The following XKR4 variants were observed in gnomAD, a reference collection of about 807,000 sequenced individuals.
XKR4 encodes XK related 4.
XKR4 carries 12 observed loss-of-function variants against 53.9 expected under a neutral mutation model. The ratio of observed to expected loss-of-function variants is 0.22; its 90% CI spans 0.14 to 0.36. The LOEUF is 0.36. Among genes scored for constraint, XKR4 ranks in the 10% least tolerant of loss-of-function variants. The probability of loss-of-function intolerance (pLI) is 1.00; values close to 1 mark genes in which losing one functional copy is unlikely to be tolerated. For missense variants in XKR4, 799 were observed against 859.5 expected, an observed-to-expected ratio of 0.93 and a Z score of 0.88; for synonymous variants, 354 against 362.4, an observed-to-expected ratio of 0.98 and a Z score of 0.26.
At chr8:55,489,191 G>A (rs979616444) in intron 2 of XKR4, among the ~76,000 whole-genome samples, 1 of 151,990 alleles carries the variant, frequency 6.6e-6, no homozygotes, top group African/African-American at 2.4e-5. Context: ...GTACTGCATC[G>A]GTAACAAATG....
At chr8:55,500,181 CA>C (rs36233927) in intron 2 of XKR4, among the ~76,000 whole-genome samples, 1,176 of 115,368 alleles carry the variant, frequency 0.01, 2 homozygotes, top group African/African-American at 0.031. Flanking sequence ...CAAATTGGGC[CA>C]AAAAAAAAAA....
chr8:55,272,841 A>G (rs1395764573), intron 1 of XKR4: 1 of 428,224 alleles, frequency 2.3e-6, no homozygotes, highest in African/African-American at 2.1e-5. Context: ...ATTATGTTTT[A>G]GAGTAAATTT....
chr8:55,451,748 C>G (rs896716059), intron 2 of XKR4: 1 of 1,181,676 alleles, frequency 8.5e-7, no homozygotes, highest in Non-Finnish European at 1.3e-6. Flanking sequence ...TCAGACTTGG[C>G]CCGGCTCAGG....
chr8:55,528,376 G>A lies in XKR4; in HGVS notation c.*4149G>A, dbSNP rs535684415. On this transcript the variant is annotated 3_prime_UTR_variant, in exon 3 of 3. Coordinates refer to ENST00000327381, the MANE Select transcript of XKR4 (RefSeq NM_052898.2). Reference sequence around the variant, plus strand: ...AAGAGAACCTCTTCTGTCCTTACCAGGATTGTGTAAGGTTACACATTTGCT... The same window carrying A: ...AAGAGAACCTCTTCTGTCCTTACCAAGATTGTGTAAGGTTACACATTTGCT... 1 of 152,306 alleles carries A rather than the reference G, an allele frequency of 6.6e-6. No homozygotes were observed. Among genetic ancestry groups the A allele is most frequent in the East Asian group, 1.9e-4 (1 of 5,188 alleles). The allele number at this position is 152,306 out of a possible 1,614,324, so 9.4% of individuals were successfully genotyped here.
rs574816839 is a variant in XKR4 at position 55,189,344 on chromosome 8, A to C, written c.806+86050A>C. ...AAGAAACGTCTGCCGAGGCACAGCT[A>C]ATGTATGAGTACGATCATGCCTCAA... On this transcript the variant is annotated intron_variant, in intron 1 of 2. Transcript: ENST00000327381. Among the ~76,000 whole-genome samples the C allele has an allele frequency of 6.6e-5, 10 of 152,280 alleles. 1 individual carries two copies. In the East Asian group the frequency reaches 1.7e-3, roughly 26 times the overall value.
chr8:55,319,920 A>C (rs1470816886), intron 1 of XKR4, among the ~76,000 whole-genome samples: 1 of 152,184 alleles, frequency 6.6e-6, no homozygotes, highest in Non-Finnish European at 1.5e-5. Context: ...GAGTGTGGTC[A>C]AGAGGAGGGA....
intron 1 of XKR4, among the ~76,000 whole-genome samples, chr8:55,156,458 G>A (rs1563470496): frequency 1.3e-5 from 2 of 150,376 alleles, no homozygotes; most frequent in Non-Finnish European, 3.0e-5. Context: ...GTGGGGTGGG[G>A]TGTGTAAGTC....
chr8:55,153,721 G>T (rs1164111320), intron 1 of XKR4, among the ~76,000 whole-genome samples: 2 of 152,196 alleles, frequency 1.3e-5, no homozygotes, highest in Non-Finnish European at 2.9e-5. Flanking sequence ...TAAGTGCCCA[G>T]TGCTGATATC....
intron 2 of XKR4, among the ~76,000 whole-genome samples, chr8:55,478,507 C>T (rs1233806162): frequency 6.6e-6 from 1 of 152,032 alleles, no homozygotes; most frequent in Non-Finnish European, 1.5e-5. Context: ...AGCAAAATAA[C>T]CAGCTAACAT....
At position 55,523,330 on chromosome 8, in the gene XKR4, C is replaced by T. The variant is rs1363275881; in HGVS notation, c.1056C>T (p.Ser352=). 6.2e-7 allele frequency: 1 copy of T among 1,613,986 alleles called. No homozygotes were observed. Among genetic ancestry groups the T allele is most frequent in the Non-Finnish European group, 8.5e-7 (1 of 1,179,884 alleles). Residue 352 remains serine, a synonymous_variant, in exon 3 of 3, where the codon TCC becomes TCT. Transcript: ENST00000327381. ...TGTCCCTGGCCTGGGCCTTGGCCTC[C>T]TACCAGAAGGCCCTCCGGGACTCTC... The part of the protein sequence containing the change: ...SLVSLAWALA[S]YQKALRDSRD...
chr8:55,293,230 G>A (rs1400375805), intron 1 of XKR4, among the ~76,000 whole-genome samples: 1 of 152,120 alleles, frequency 6.6e-6, no homozygotes, highest in Non-Finnish European at 1.5e-5. Flanking sequence ...AGCTACTTGG[G>A]AGGCTGAGGC....
rs1350622268 is a variant in XKR4 at position 55,523,875 on chromosome 8, C to T, written c.1601C>T (p.Ala534Val). ...TGTGCTTGTGAGGACCCAGCCGCTGCCTTCACTTTGCCCCCAGACGTGGCC... is the reference window on the plus strand; with the variant it reads ...TGTGCTTGTGAGGACCCAGCCGCTGTCTTCACTTTGCCCCCAGACGTGGCC... ...PSCACEDPAA[A>V]FTLPPDVATS... Residue 534 changes from alanine (A) to valine (V), a missense_variant, in exon 3 of 3, where the codon GCC becomes GTC. Transcript: ENST00000327381. The T allele has an allele frequency of 1.9e-6, 3 of 1,614,204 alleles. No homozygotes were observed. Among genetic ancestry groups the T allele is most frequent in the Non-Finnish European group, 2.5e-6 (3 of 1,180,036 alleles).
At chr8:55,172,141 G>T (rs1817168112) in intron 1 of XKR4, among the ~76,000 whole-genome samples, 1 of 151,498 alleles carries the variant, frequency 6.6e-6, no homozygotes, top group Non-Finnish European at 1.5e-5. Flanking sequence ...TTGAACCCAG[G>T]TTGTCGGGGG....
rs182234474 is a variant in XKR4 at position 55,485,899 on chromosome 8, A to G, written c.1007-37382A>G. ...TCTCAAAAGACTCAATCTGAATGCCATAAGCCCAAAAACATAATTCTGGAA... is the reference window on the plus strand; with the variant it reads ...TCTCAAAAGACTCAATCTGAATGCCGTAAGCCCAAAAACATAATTCTGGAA... On this transcript the variant is annotated intron_variant, in intron 2 of 2. Coordinates refer to ENST00000327381, the MANE Select transcript of XKR4 (RefSeq NM_052898.2). 1.8e-4 allele frequency among the ~76,000 whole-genome samples: 27 copies of G among 152,312 alleles called. No homozygotes were observed. The East Asian group carries it at 4.6e-3, about 26-fold the overall frequency.
In XKR4 at chr8:55,103,028, T is replaced by A. The variant is rs913159068; in HGVS notation, c.540T>A (p.Ala180=). 6.2e-7 allele frequency: 1 copy of A among 1,612,602 alleles called. No homozygotes were observed. Residue 180 remains alanine (A), a synonymous_variant, in exon 1 of 3, where the codon GCT becomes GCA. Coordinates refer to ENST00000327381, the MANE Select transcript of XKR4 (RefSeq NM_052898.2). Reference sequence around the variant, plus strand: ...GCACCGAGGACAGCGCCACGGCCGCTGCTGCCTCCAGCTGCCCGCAGCCTG... The same window carrying A: ...GCACCGAGGACAGCGCCACGGCCGCAGCTGCCTCCAGCTGCCCGCAGCCTG... ...DFSTEDSATA[A]AASSCPQPGA...
At chr8:55,321,490 G>A (rs1024732543) in intron 1 of XKR4, among the ~76,000 whole-genome samples, 1 of 152,140 alleles carries the variant, frequency 6.6e-6, no homozygotes, top group Non-Finnish European at 1.5e-5. Context: ...GGACTCATCT[G>A]CACCTGAGAC....
At chr8:55,400,800 C>T (rs1804588491) in intron 2 of XKR4, among the ~76,000 whole-genome samples, 1 of 152,172 alleles carries the variant, frequency 6.6e-6, no homozygotes, top group African/African-American at 2.4e-5. Context: ...CCTTGCCTTC[C>T]CTCTTCCACG....
At chr8:55,239,778 C>G (rs1276523979) in intron 1 of XKR4, among the ~76,000 whole-genome samples, 1 of 152,124 alleles carries the variant, frequency 6.6e-6, no homozygotes, top group Non-Finnish European at 1.5e-5. Context: ...ATTATTCAAC[C>G]CAAATTCCCA....
chr8:55,501,476 C>T (rs557746214), intron 2 of XKR4, among the ~76,000 whole-genome samples: 2 of 119,458 alleles, frequency 1.7e-5, no homozygotes, highest in South Asian at 4.6e-4. Flanking sequence ...CACCTCCAGC[C>T]CCTGGCAACC....
Sources: gnomAD v4.1 joint callset for allele counts (sites outside exome capture counted in the v4.1 genomes callset) on GRCh38, gnomAD v4.1.1 for gene constraint, MANE v1.5 for transcripts, NCBI Gene and HGNC (gene_info 2026-07-23, HGNC 2026-07-21) for gene names.